KIAA1328: variants seen among roughly 807,000 people sequenced by gnomAD.
KIAA1328 encodes KIAA1328, also known as protein hinderin.
KIAA1328 carries 52 observed loss-of-function variants against 68.1 expected under a neutral mutation model. The observed-to-expected ratio is 0.76, with a 90% CI of 0.61 to 0.96. The LOEUF is 0.96. Among genes scored for constraint, KIAA1328 ranks in the 40% least tolerant of loss-of-function variants. KIAA1328 has a pLI of 0.00. For missense variants in KIAA1328, 641 were observed against 677.6 expected (o/e 0.95, Z 0.60); for synonymous variants, 232 against 239.4 (o/e 0.97, Z 0.28).
At chr18:36,928,098 A>G (rs1024101569) in intron 5 of KIAA1328, among the ~76,000 whole-genome samples, 3 of 152,200 alleles carry the variant, frequency 2.0e-5, no homozygotes, top group Non-Finnish European at 2.9e-5. Context: ...CAGTAGGGAT[A>G]TAGGTAGTTT....
rs1384047527 is a variant in KIAA1328 at position 36,912,217 on chromosome 18, G to A, written c.448+26545G>A. Among the ~76,000 whole-genome samples the A allele has an allele frequency of 2.0e-5, 3 of 152,020 alleles. No homozygotes were observed. In the East Asian group the frequency reaches 5.8e-4, roughly 29 times the overall value. ...AAAGAAATTCTTATCTTACAGTTCT[G>A]GAGGTCAGAAATCCAAAATCAATCT... On this transcript the variant is annotated intron_variant, in intron 5 of 9. Transcript: ENST00000280020.
At chr18:37,012,097 A>G in intron 6 of KIAA1328, among the ~76,000 whole-genome samples, 1 of 152,210 alleles carries the variant, frequency 6.6e-6, no homozygotes, top group East Asian at 1.9e-4. Context: ...TAAATCTTTG[A>G]AAGGAACGAA....
intron 7 of KIAA1328, among the ~76,000 whole-genome samples, chr18:37,116,575 C>T (rs1171368575): frequency 6.6e-6 from 1 of 152,184 alleles, no homozygotes; most frequent in Non-Finnish European, 1.5e-5. Context: ...AAAACCTAGG[C>T]AATACCATTC....
At chr18:36,842,819 T>C (rs192964396) in intron 3 of KIAA1328, among the ~76,000 whole-genome samples, 200 of 152,222 alleles carry the variant, frequency 1.3e-3, no homozygotes, top group African/African-American at 4.6e-3. Flanking sequence ...TTTGTCTTTT[T>C]TAATCATTAG....
At chr18:36,908,118 A>G (rs1411682747) in intron 5 of KIAA1328, among the ~76,000 whole-genome samples, 1 of 152,172 alleles carries the variant, frequency 6.6e-6, no homozygotes, top group African/African-American at 2.4e-5. Context: ...AAATTATATC[A>G]GTTTTAACTA....
chr18:36,916,215 A>G (rs1002414099), intron 5 of KIAA1328, among the ~76,000 whole-genome samples: 1 of 151,702 alleles, frequency 6.6e-6, no homozygotes, highest in African/African-American at 2.4e-5. Flanking sequence ...ATTTATATAT[A>G]TATGTACCTG....
At chr18:37,066,590 C>CT (rs2056345979) in intron 6 of KIAA1328, among the ~76,000 whole-genome samples, 1 of 152,166 alleles carries the variant, frequency 6.6e-6, no homozygotes, top group African/African-American at 2.4e-5. Flanking sequence ...TCAAAATTGA[C>CT]TTTATGTAAC....
intron 5 of KIAA1328, among the ~76,000 whole-genome samples, chr18:36,908,946 C>T (rs2049322794): frequency 6.6e-6 from 1 of 152,042 alleles, no homozygotes; most frequent in Admixed American, 6.6e-5. Flanking sequence ...GCTTTCTTAT[C>T]CTAGGCTTAC....
chr18:36,905,018 T>C (rs2049166499), intron 5 of KIAA1328, among the ~76,000 whole-genome samples: 2 of 151,928 alleles, frequency 1.3e-5, no homozygotes, highest in African/African-American at 2.4e-5. Flanking sequence ...ATTATCAAGA[T>C]ACATTTTAAT....
At chr18:37,042,433 C>T (rs1439458204) in intron 6 of KIAA1328, among the ~76,000 whole-genome samples, 1 of 152,106 alleles carries the variant, frequency 6.6e-6, no homozygotes, top group Non-Finnish European at 1.5e-5. Context: ...GTCTTTTTGT[C>T]ATTGGTTTAT....
chr18:36,834,284 ATAT>A, intron 1 of KIAA1328, 33 bp from the exon 2 acceptor site: 1 of 1,531,002 alleles, frequency 6.5e-7, no homozygotes, highest in Non-Finnish European at 8.8e-7. Flanking sequence ...ATGCCGGATA[ATAT>A]TATTGTATTT....
chr18:36,979,853 G>A (rs2052614795), intron 6 of KIAA1328, among the ~76,000 whole-genome samples: 1 of 152,198 alleles, frequency 6.6e-6, no homozygotes, highest in Non-Finnish European at 1.5e-5. Context: ...CAGTGCTATG[G>A]TCTGATTGTG....
intron 8 of KIAA1328, among the ~76,000 whole-genome samples, chr18:37,170,646 C>G (rs1001727504): frequency 1.3e-5 from 2 of 152,210 alleles, no homozygotes; most frequent in East Asian, 3.9e-4. Flanking sequence ...GTGAACTCTC[C>G]CATTTCTTAA....
intron 7 of KIAA1328, among the ~76,000 whole-genome samples, chr18:37,140,534 A>G (rs1037274160): frequency 6.6e-6 from 1 of 152,142 alleles, no homozygotes; most frequent in Non-Finnish European, 1.5e-5. Flanking sequence ...TTAAACTTCA[A>G]GAACTGAGAA....
At chr18:37,016,875 A>G (rs933808940) in intron 6 of KIAA1328, among the ~76,000 whole-genome samples, 30 of 152,030 alleles carry the variant, frequency 2.0e-4, no homozygotes, top group Non-Finnish European at 2.9e-5. Flanking sequence ...TTATTAATCT[A>G]GCTAACATTC....
At chr18:37,073,596 A>T (rs1160390609) in intron 7 of KIAA1328, among the ~76,000 whole-genome samples, 1 of 151,938 alleles carries the variant, frequency 6.6e-6, no homozygotes, top group Non-Finnish European at 1.5e-5. Context: ...CTATTCTCAA[A>T]TTTCTGGTTC....
At chr18:37,146,815 C>T (rs974787146) in intron 7 of KIAA1328, among the ~76,000 whole-genome samples, 1 of 152,160 alleles carries the variant, frequency 6.6e-6, no homozygotes, top group African/African-American at 2.4e-5. Flanking sequence ...ATATTTACTT[C>T]CCCATTCTTT....
At chr18:37,175,684 T>G (rs369884798) in intron 9 of KIAA1328, among the ~76,000 whole-genome samples, 1 of 152,226 alleles carries the variant, frequency 6.6e-6, no homozygotes, top group East Asian at 1.9e-4. Context: ...TTATTTGTAC[T>G]GTTTTTATTT....
At chr18:36,982,495 A>G (rs2052734627) in intron 6 of KIAA1328, among the ~76,000 whole-genome samples, 1 of 151,976 alleles carries the variant, frequency 6.6e-6, no homozygotes. Context: ...GCAACATTTA[A>G]AAGTACTTTT....
Sources: gnomAD v4.1 joint callset for allele counts (sites outside exome capture counted in the v4.1 genomes callset) on GRCh38, gnomAD v4.1.1 for gene constraint, MANE v1.5 for transcripts, NCBI Gene and HGNC (gene_info 2026-07-23, HGNC 2026-07-21) for gene names.